TRIM66: variants seen among roughly 807,000 people sequenced by gnomAD.
The protein encoded by TRIM66 is tripartite motif-containing protein 66.
A neutral mutation model predicts 148.2 loss-of-function variants in TRIM66; 99 were observed. That is an observed-to-expected ratio of 0.67 (90% CI 0.57 to 0.79). The LOEUF (loss-of-function observed/expected upper bound fraction) is 0.79. TRIM66 is among the 30% of genes least tolerant of loss of function. The pLI is 0.00. For missense variants in TRIM66, 1,666 were observed against 1,697.9 expected (o/e 0.98, Z 0.33); for synonymous variants, 616 against 635.9 (o/e 0.97, Z 0.47).
chr11:8,624,414 T>C lies in TRIM66; in HGVS notation c.2964A>G (p.Pro988=). 1.3e-6 allele frequency: 2 copies of C among 1,551,448 alleles called. No individual in the cohort carries two copies. The highest frequency in any genetic ancestry group is 1.7e-6 in the Non-Finnish European group (2 of 1,146,938). Residue 988 remains proline (P), a synonymous_variant, in exon 17 of 25, where the codon CCA becomes CCG. Coordinates refer to ENST00000646038, the MANE Select transcript of TRIM66 (RefSeq NM_001388022.1). ...EPINLSVKKP[P]LAPVVSTSTA... ...TAGACGTGCTGACCACTGGCGCCAG[T>C]GGAGGTTTCTTCACAGAGAGGTTAA...
chr11:8,615,789 A>T lies in TRIM66; in HGVS notation c.*2155T>A, dbSNP rs1334049088. On this transcript the variant is annotated 3_prime_UTR_variant, in exon 25 of 25. Coordinates refer to ENST00000646038, the MANE Select transcript of TRIM66 (RefSeq NM_001388022.1). ...CCCAAGCTGGGAGCCTCACTCATAT[A>T]AGGAAAGCCAAGCTTTTAACAGGTA... is the stretch of plus-strand genomic sequence containing the variant. The T allele has an allele frequency of 1.3e-5, 2 of 152,176 alleles. No individual in the cohort carries two copies. Among genetic ancestry groups the T allele is most frequent in the Non-Finnish European group, 2.9e-5 (2 of 68,030 alleles). 9.4% of individuals were successfully genotyped at this position (152,176 alleles called of 1,614,324 possible).
intron 12 of TRIM66, among the ~76,000 whole-genome samples, chr11:8,643,693 C>A (rs2036601635): frequency 6.6e-6 from 1 of 151,988 alleles, no homozygotes; most frequent in Admixed American, 6.5e-5. Context: ...TGTCATTCTC[C>A]CTCACTACAT....
intron 19 of TRIM66, 59 bp from the exon 20 acceptor site, chr11:8,621,380 G>A: frequency 6.7e-6 from 10 of 1,497,338 alleles, no homozygotes; most frequent in African/African-American, 1.4e-5. Flanking sequence ...TCTCGAGGGA[G>A]GGGAGGGAGA....
chr11:8,638,882 G>A (rs1377581256), intron 14 of TRIM66, 67 bp from the exon 15 acceptor site: 2 of 1,490,570 alleles, frequency 1.3e-6, no homozygotes, highest in Non-Finnish European at 1.8e-6. Context: ...AGCAGTGGCA[G>A]CAAAGGCTAG....
At chr11:8,676,328 A>G (rs766892376) in intron 3 of TRIM66, among the ~76,000 whole-genome samples, 1 of 152,070 alleles carries the variant, frequency 6.6e-6, no homozygotes, top group African/African-American at 2.4e-5. Flanking sequence ...TTTACATAAC[A>G]TTGCTTTGGC....
At chr11:8,638,466 T>C (rs537176638) in intron 15 of TRIM66, among the ~76,000 whole-genome samples, 188 bp downstream of exon 15, 192 of 150,772 alleles carry the variant, frequency 1.3e-3, no homozygotes, top group Non-Finnish European at 1.1e-3. Flanking sequence ...CGTGGGGGAG[T>C]GGAAATGGGG....
chr11:8,639,236 C>T (rs914214293), intron 14 of TRIM66, among the ~76,000 whole-genome samples: 17 of 152,010 alleles, frequency 1.1e-4, no homozygotes, highest in Admixed American at 4.6e-4. Flanking sequence ...AAATGTGAGG[C>T]CTTATATTCT....
chr11:8,664,584 A>G (rs1489846145), intron 6 of TRIM66, among the ~76,000 whole-genome samples: 1 of 152,216 alleles, frequency 6.6e-6, no homozygotes, highest in South Asian at 2.1e-4. Flanking sequence ...ATGCCTGTAC[A>G]GTGTCTGCCA....
chr11:8,626,006 C>T (rs972033603), intron 15 of TRIM66, among the ~76,000 whole-genome samples: 5 of 152,176 alleles, frequency 3.3e-5, no homozygotes, highest in Admixed American at 6.5e-5. Flanking sequence ...TCACCCAATC[C>T]GTACAATCAT....
intron 3 of TRIM66, among the ~76,000 whole-genome samples, chr11:8,678,570 T>A (rs1018196633): frequency 6.6e-5 from 10 of 152,248 alleles, no homozygotes; most frequent in African/African-American, 1.7e-4. Flanking sequence ...TTGTACTGTC[T>A]ATTACGTATA....
At chr11:8,669,751 GATTGTTAAGCAACACTGC>G (rs1357444845) in intron 6 of TRIM66, among the ~76,000 whole-genome samples, 1 of 152,130 alleles carries the variant, frequency 6.6e-6, no homozygotes, top group Non-Finnish European at 1.5e-5. Flanking sequence ...CAGGGTCAGA[GATTGTTAAGCAACACTGC>G]ATTAAGCCTG....
chr11:8,615,644 G>C lies in TRIM66; in HGVS notation c.*2300C>G, dbSNP rs1128559. The C allele has an allele frequency of 0.8, 121,104 of 151,930 alleles. 48,410 individuals are homozygous for C. Among genetic ancestry groups the C allele is most frequent in the South Asian group, 0.84 (4,004 of 4,792 alleles). 9.4% of individuals were successfully genotyped at this position (151,930 alleles called of 1,614,324 possible). On this transcript the variant is annotated 3_prime_UTR_variant, in exon 25 of 25. Transcript: ENST00000646038. ...GGAAAAGCCAGCGAGAGGCAGGTGTGTAAAGGGAGCCTCTCAGCATGCAGG... is the reference window on the plus strand; with the variant it reads ...GGAAAAGCCAGCGAGAGGCAGGTGTCTAAAGGGAGCCTCTCAGCATGCAGG...
chr11:8,634,195 T>G (rs2035670601), intron 15 of TRIM66, among the ~76,000 whole-genome samples: 1 of 152,160 alleles, frequency 6.6e-6, no homozygotes, highest in Non-Finnish European at 1.5e-5. Flanking sequence ...TAAGACAATC[T>G]CGCTCTGTTG....
intron 15 of TRIM66, among the ~76,000 whole-genome samples, chr11:8,630,846 G>C (rs898340298): frequency 3.3e-5 from 5 of 152,030 alleles, no homozygotes; most frequent in African/African-American, 9.7e-5. Context: ...TTGACAACTT[G>C]CCTGACCTAC....
At chr11:8,620,716 GA>G (rs1230572180) in intron 20 of TRIM66, 144 bp from the exon 21 acceptor site, 3 of 1,364,042 alleles carry the variant, frequency 2.2e-6, no homozygotes, top group Admixed American at 2.8e-5. Flanking sequence ...AGGCTTGGAA[GA>G]AATTCAATAA....
chr11:8,633,154 C>T (rs755420162), intron 15 of TRIM66, among the ~76,000 whole-genome samples: 7 of 152,094 alleles, frequency 4.6e-5, no homozygotes, highest in Non-Finnish European at 1.0e-4. Flanking sequence ...GACTTAAAAA[C>T]GTTATTTTGA....
At chr11:8,628,636 A>AAAAAAAAAAAAAAGAGAGAG (rs1555042270) in intron 15 of TRIM66, among the ~76,000 whole-genome samples, 7 of 93,394 alleles carry the variant, frequency 7.5e-5, no homozygotes, top group African/African-American at 1.8e-4. Flanking sequence ...AAAAAAAAAA[A>AAAAAAAAAAAAAAGAGAGAG]AGAGAGAGAA....
chr11:8,621,197 C>T lies in TRIM66; in HGVS notation c.3380G>A (p.Arg1127Lys). 6.4e-7 allele frequency: 1 copy of T among 1,551,688 alleles called. No individual in the cohort carries two copies. Among genetic ancestry groups the T allele is most frequent in the Non-Finnish European group, 8.7e-7 (1 of 1,146,980 alleles). The change falls in exon 20 of 25, where the codon AGA becomes AAA. Residue 1127 changes from arginine to lysine, a missense_variant. By Grantham distance (26) the Arg-to-Lys change is conservative (BLOSUM62 2). Coordinates refer to ENST00000646038, the MANE Select transcript of TRIM66 (RefSeq NM_001388022.1). Reference sequence around the variant, plus strand: ...GGCTCCTGGGGTTCGAGGAATGAGTCTGTGTTCTTCAGGAGATGTGCCCTC... The same window carrying T: ...GGCTCCTGGGGTTCGAGGAATGAGTTTGTGTTCTTCAGGAGATGTGCCCTC... ...EVEGTSPEEH[R>K]LIPRTPGAKK...
chr11:8,682,695 A>T (rs1173484171), upstream of TRIM66: 7 of 1,210,162 alleles, frequency 5.8e-6, no homozygotes, highest in Non-Finnish European at 8.5e-6. Context: ...CCGCGAGACC[A>T]GGAGGCCCCG....
Sources: gnomAD v4.1 joint callset for allele counts (sites outside exome capture counted in the v4.1 genomes callset) on GRCh38, gnomAD v4.1.1 for gene constraint, MANE v1.5 for transcripts, NCBI Gene and HGNC (gene_info 2026-07-23, HGNC 2026-07-21) for gene names.